TTLL7: variants seen among roughly 807,000 people sequenced by gnomAD.
TTLL7 encodes the protein tubulin tyrosine ligase like 7, also known as tubulin polyglutamylase TTLL7.
A neutral mutation model predicts 120.2 loss-of-function variants in TTLL7; 53 were observed. The observed-to-expected ratio is 0.44, with a 90% CI of 0.35 to 0.55. The LOEUF (loss-of-function observed/expected upper bound fraction) is 0.55. Ranked by LOEUF, TTLL7 falls within the 20% of genes least tolerant of loss-of-function variation. The pLI, the probability that TTLL7 is intolerant of heterozygous loss-of-function variation, is 0.00. For missense variants in TTLL7, 803 were observed against 1,054.7 expected (o/e 0.76, Z 3.31); for synonymous variants, 353 against 351.7 (o/e 1.00, Z -0.04).
intron 18 of TTLL7, among the ~76,000 whole-genome samples, chr1:83,895,941 T>C (rs1411550235): frequency 6.6e-6 from 1 of 152,080 alleles, no homozygotes; most frequent in Non-Finnish European, 1.5e-5. Flanking sequence ...AAGGAATAGT[T>C]TGTTTAGAAG....
At chr1:83,957,310 T>C (rs1369746209) in intron 1 of TTLL7, among the ~76,000 whole-genome samples, 1 of 152,130 alleles carries the variant, frequency 6.6e-6, no homozygotes, top group African/African-American at 2.4e-5. Context: ...GTAAACATAA[T>C]ATATGAGGTC....
At chr1:83,900,740 T>A (rs1414657194) in intron 18 of TTLL7, among the ~76,000 whole-genome samples, 1 of 151,992 alleles carries the variant, frequency 6.6e-6, no homozygotes, top group African/African-American at 2.4e-5. Context: ...CTGGAAGTGG[T>A]TTTGCTGACT....
chr1:83,907,632 G>C lies in TTLL7; in HGVS notation c.1816C>G (p.Arg606Gly). 2 of 1,613,002 alleles carry C rather than the reference G, an allele frequency of 1.2e-6. No homozygotes were observed. Among genetic ancestry groups the C allele is most frequent in the Non-Finnish European group, 1.7e-6 (2 of 1,179,436 alleles). ...GAAGGTGATTGAGCAGAGATGGACC[G>C]AGGGCAGCTGACTGAACGTCTTATG... The part of the protein sequence containing the change: ...SSIRRSVSCP[R>G]SISAQSPSSG... The change falls in exon 16 of 21, where the codon CGG becomes GGG. Residue 606 changes from arginine (R) to glycine (G), a missense_variant. Transcript: ENST00000260505.
intron 20 of TTLL7, among the ~76,000 whole-genome samples, chr1:83,880,710 A>G (rs1654370624): frequency 6.6e-6 from 1 of 152,096 alleles, no homozygotes; most frequent in Non-Finnish European, 1.5e-5. Context: ...CAAGCTACCA[A>G]TGACTTTCCT....
At chr1:83,924,346 T>C (rs1658930747) in intron 10 of TTLL7, among the ~76,000 whole-genome samples, 1 of 152,170 alleles carries the variant, frequency 6.6e-6, no homozygotes, top group Non-Finnish European at 1.5e-5. Context: ...CGACAAAATA[T>C]GTGGTATTCG....
intron 1 of TTLL7, among the ~76,000 whole-genome samples, chr1:83,958,883 G>A (rs1260726053): frequency 1.3e-5 from 2 of 152,142 alleles, no homozygotes; most frequent in South Asian, 2.1e-4. Context: ...CTGAGAGTCT[G>A]CATTTCTGAC....
intron 1 of TTLL7, among the ~76,000 whole-genome samples, chr1:83,983,268 C>G (rs1652142930): frequency 6.6e-6 from 1 of 151,974 alleles, no homozygotes; most frequent in Non-Finnish European, 1.5e-5. Context: ...GAGGCGGAGG[C>G]TGCAGTGAGC....
At chr1:83,957,307 T>C (rs1395744933) in intron 1 of TTLL7, among the ~76,000 whole-genome samples, 1 of 152,124 alleles carries the variant, frequency 6.6e-6, no homozygotes, top group Admixed American at 6.5e-5. Flanking sequence ...CCAGTAAACA[T>C]AATATATGAG....
chr1:83,958,795 T>C (rs1397362779), intron 1 of TTLL7, among the ~76,000 whole-genome samples: 2 of 152,202 alleles, frequency 1.3e-5, no homozygotes, highest in Admixed American at 6.5e-5. Flanking sequence ...TCTACATTAG[T>C]GTTTCTTAAA....
intron 15 of TTLL7, among the ~76,000 whole-genome samples, chr1:83,909,207 G>T (rs1657467937): frequency 6.7e-6 from 1 of 148,226 alleles, no homozygotes; most frequent in Admixed American, 6.8e-5. Context: ...TATATAACCT[G>T]ATCACTGGGC....
At chr1:83,985,497 A>G (rs954202323) in intron 1 of TTLL7, among the ~76,000 whole-genome samples, 4 of 152,174 alleles carry the variant, frequency 2.6e-5, no homozygotes, top group Non-Finnish European at 5.9e-5. Flanking sequence ...ACCCCTAGAA[A>G]TAATACTTTA....
At chr1:83,958,634 A>G (rs183949450) in intron 1 of TTLL7, among the ~76,000 whole-genome samples, 5 of 152,352 alleles carry the variant, frequency 3.3e-5, no homozygotes, top group South Asian at 2.1e-4. Context: ...TGGTTCCCAA[A>G]CCAAATTTGA....
chr1:83,874,496 T>C (rs1192976163), intron 20 of TTLL7, among the ~76,000 whole-genome samples: 2 of 152,030 alleles, frequency 1.3e-5, no homozygotes, highest in Non-Finnish European at 1.5e-5. Context: ...CACCTCGGGG[T>C]AGAATTGCTG....
chr1:83,998,964 TC>T lies in TTLL7; in HGVS notation c.-211del. ...GGAAAGCCCAGCCCGGGTCCTCGCG[TC>T]CCCGCTGCAAGCGGTCCCCCAGGTG... On this transcript the variant is annotated 5_prime_UTR_variant, in exon 1 of 21. Coordinates refer to ENST00000260505, the MANE Select transcript of TTLL7 (RefSeq NM_024686.6). 1 of 434,458 alleles carries T rather than the reference TC, an allele frequency of 2.3e-6. No individual in the cohort carries two copies. The highest frequency in any genetic ancestry group is 4.6e-6 in the Non-Finnish European group (1 of 218,098). The allele number at this position is 434,458 out of a possible 1,614,324, so 26.9% of individuals were successfully genotyped here.
intron 19 of TTLL7, among the ~76,000 whole-genome samples, chr1:83,885,649 G>T (rs1654909665): frequency 6.6e-6 from 1 of 151,938 alleles, no homozygotes; most frequent in South Asian, 2.1e-4. Flanking sequence ...AAATACTCAA[G>T]AAAATGAAAG....
chr1:83,985,033 C>A (rs1047661240), intron 1 of TTLL7, among the ~76,000 whole-genome samples: 2 of 152,162 alleles, frequency 1.3e-5, no homozygotes, highest in Non-Finnish European at 2.9e-5. Context: ...AGGAACAGAA[C>A]TAGTAGGATA....
chr1:83,975,480 T>A (rs939100317), intron 1 of TTLL7, among the ~76,000 whole-genome samples: 1 of 152,070 alleles, frequency 6.6e-6, no homozygotes, highest in Non-Finnish European at 1.5e-5. Flanking sequence ...CAGATCTGTT[T>A]GATTCTCAGA....
intron 1 of TTLL7, among the ~76,000 whole-genome samples, chr1:83,960,836 TA>T (rs1180092195): frequency 6.6e-6 from 1 of 152,046 alleles, no homozygotes; most frequent in African/African-American, 2.4e-5. Flanking sequence ...CTCATAACAA[TA>T]AAACATTGCC....
chr1:83,963,870 T>G (rs987328191), intron 1 of TTLL7, among the ~76,000 whole-genome samples: 1 of 152,116 alleles, frequency 6.6e-6, no homozygotes, highest in African/African-American at 2.4e-5. Flanking sequence ...TAAATTAAAT[T>G]AAATCCCAGA....
Sources: allele counts gnomAD v4.1 joint callset (sites outside exome capture counted in the v4.1 genomes callset), GRCh38; gene constraint gnomAD v4.1.1; transcripts MANE v1.5; gene names NCBI Gene and HGNC (gene_info 2026-07-23, HGNC 2026-07-21).